Variants in ANO8 observed in about 807,000 individuals in gnomAD.
ANO8 encodes the protein anoctamin-8.
A neutral mutation model predicts 120.4 loss-of-function variants in ANO8; 67 were observed. That is an observed-to-expected ratio of 0.56 (90% CI 0.46 to 0.68). The LOEUF (loss-of-function observed/expected upper bound fraction) is 0.68. Among genes scored for constraint, ANO8 ranks in the 30% least tolerant of loss-of-function variants. The pLI, the probability that ANO8 is intolerant of heterozygous loss-of-function variation, is 0.00. For synonymous variants in ANO8, 727 were observed against 759.2 expected (o/e 0.96, Z 0.70); for missense variants, 1,526 against 1,737.6 (o/e 0.88, Z 2.16).
Position 17,331,121 on chromosome 19 carries a change from C to T in ANO8, c.798G>A (p.Gly266=), listed in dbSNP as rs1018613339. 6.2e-7 allele frequency: 1 copy of T among 1,614,094 alleles called. No individual in the cohort carries two copies. The highest frequency in any genetic ancestry group is 8.5e-7 in the Non-Finnish European group (1 of 1,180,046). ...CCTCTGTGAATGTGTACAGGACAGACCCGAAGACAGCTGGGTATACCATAG... is the reference window on the plus strand; with the variant it reads ...CCTCTGTGAATGTGTACAGGACAGATCCGAAGACAGCTGGGTATACCATAG... The part of the protein sequence containing the change: ...TSAMVYPAVF[G]SVLYTFTEAD... The change falls in exon 7 of 18, where the codon GGG becomes GGA. Residue 266 remains glycine (G), a synonymous_variant. Coordinates refer to ENST00000159087, the MANE Select transcript of ANO8 (RefSeq NM_020959.3).
intron 12 of ANO8, 31 bp from the exon 13 acceptor site, chr19:17,329,014 C>A (rs972377789): frequency 4.9e-6 from 7 of 1,417,318 alleles, no homozygotes; most frequent in Non-Finnish European, 6.5e-6. Context: ...GAGAGAGGCG[C>A]GTGGGGGGCA....
rs752353589 is a variant in ANO8, at chr19:17,325,364, T to A, written c.2684A>T (p.His895Leu). The A allele has an allele frequency of 6.3e-7, 1 of 1,593,574 alleles. No homozygotes were observed. Among genetic ancestry groups the A allele is most frequent in the Admixed American group, 1.7e-5 (1 of 59,390 alleles). The change falls in exon 17 of 18, where the codon CAT becomes CTT. Residue 895 changes from histidine (H) to leucine (L), a missense_variant. His to Leu is a moderately conservative substitution (Grantham distance 99). Around this residue, in one of 8 missense-constraint regions of ANO8, gnomAD observed 489 missense variants for 548.6 expected, o/e 0.89. Coordinates refer to ENST00000159087, the MANE Select transcript of ANO8 (RefSeq NM_020959.3). ...AFKRHERQAQHRYQQQQRRRR... is the reference protein window; with the variant it reads ...AFKRHERQAQLRYQQQQRRRR... ...CCTGCGCTGCTGCTGCTGGTAGCGA[T>A]GCTGGGCCTGGCGCTCGTGTCTCTG...
Position 17,327,713 on chromosome 19 carries a change from G to A in ANO8, c.2394C>T (p.Arg798=). The stretch of plus-strand genomic sequence containing the variant: ...CCTGCCACTGGCCGATGCTTTCCAC[G>A]CGCTGGCCGAAGGGCCGCTGCAGCC... ...CTGLQRPFGQ[R]VESIGQWQKV... Residue 798 remains arginine (R), a synonymous_variant, in exon 14 of 18, where the codon CGC becomes CGT. Coordinates refer to ENST00000159087, the MANE Select transcript of ANO8 (RefSeq NM_020959.3). 1 of 1,613,654 alleles carries A rather than the reference G, an allele frequency of 6.2e-7. No individual in the cohort carries two copies. Among genetic ancestry groups the A allele is most frequent in the South Asian group, 1.1e-5 (1 of 91,048 alleles).
Position 17,328,583 on chromosome 19 carries a change from C to CCCTCCTCCTCGT in ANO8, c.1793_1804dup (p.Asp598_Glu601dup), listed in dbSNP as rs758160988. 6.5e-6 allele frequency: 10 copies of CCCTCCTCCTCGT among 1,546,446 alleles called. No individual in the cohort carries two copies. The highest frequency in any genetic ancestry group is 2.2e-4 in the Middle Eastern group (1 of 4,620). ...GCAGTCCAGGAGGCCCCCTTCCTCG[C>CCCTCCTCCTCGT]CCTCCTCCTCGTCCTCCTCTTCCTC... On this transcript the variant is annotated inframe_insertion, in exon 13 of 18. Transcript: ENST00000159087.
chr19:17,326,299 G>T (rs902720285), intron 16 of ANO8, among the ~76,000 whole-genome samples: 24 of 152,084 alleles, frequency 1.6e-4, no homozygotes, highest in Non-Finnish European at 1.5e-5. Context: ...GTTAGGAGTT[G>T]GAGACCAGCC....
intron 10 of ANO8, 32 bp from the exon 11 acceptor site, chr19:17,330,046 C>A: frequency 6.2e-7 from 1 of 1,613,954 alleles, no homozygotes; most frequent in South Asian, 1.1e-5. Flanking sequence ...GAGGGGGCAG[C>A]CGCGGTCCCC....
chr19:17,327,573 C>T lies in ANO8; in HGVS notation c.2419-4G>A. 1 of 1,613,290 alleles carries T rather than the reference C, an allele frequency of 6.2e-7. No homozygotes were observed. ...CACCCATGGCCTCCATCACCTTCTGCAGGGCGGCAGGAGGGCTCAGGCGGG... is the reference window on the plus strand; with the variant it reads ...CACCCATGGCCTCCATCACCTTCTGTAGGGCGGCAGGAGGGCTCAGGCGGG... On this transcript the variant is annotated splice_polypyrimidine_tract_variant and splice_region_variant and intron_variant, in intron 14 of 17. Coordinates refer to ENST00000159087, the MANE Select transcript of ANO8 (RefSeq NM_020959.3).
Position 17,324,913 on chromosome 19 carries a change from C to G in ANO8, c.3135G>C (p.Pro1045=). 4 of 1,613,384 alleles carry G rather than the reference C, an allele frequency of 2.5e-6. No individual in the cohort carries two copies. Among genetic ancestry groups the G allele is most frequent in the African/African-American group, 2.7e-5 (2 of 75,064 alleles). Residue 1045 remains proline (P), a synonymous_variant, in exon 17 of 18, where the codon CCG becomes CCC. Coordinates refer to ENST00000159087, the MANE Select transcript of ANO8 (RefSeq NM_020959.3). The stretch of plus-strand genomic sequence containing the variant: ...GCTTGCCAGCATGGAAGGCTTTGGG[C>G]GGTGAGTGGCTGCGCTCAGAGTCCC... ...TRRDSERSHS[P]PKAFHAGKLF...
intron 17 of ANO8, 28 bp downstream of exon 17, chr19:17,324,689 T>TCCCC: frequency 6.6e-7 from 1 of 1,512,116 alleles, no homozygotes; most frequent in East Asian, 2.3e-5. Flanking sequence ...CGGCCCGGCG[T>TCCCC]CCCCACCCCC....
chr19:17,323,894 C>T lies in ANO8; in HGVS notation c.3332-10G>A. On this transcript the variant is annotated splice_polypyrimidine_tract_variant and intron_variant, in intron 17 of 17. Coordinates refer to ENST00000159087, the MANE Select transcript of ANO8 (RefSeq NM_020959.3). Reference sequence around the variant, plus strand: ...GGGGCCAGCGCTGTCCCTGCGGAGGCGAGAGGGGCCGTTCCGGGGGGATGC... The same window carrying T: ...GGGGCCAGCGCTGTCCCTGCGGAGGTGAGAGGGGCCGTTCCGGGGGGATGC... The T allele has an allele frequency of 2.7e-6, 3 of 1,116,422 alleles. No homozygotes were observed. The highest frequency in any genetic ancestry group is 3.3e-6 in the Non-Finnish European group (3 of 913,872). 69.2% of individuals were successfully genotyped at this position (1,116,422 alleles called of 1,614,324 possible).
intron 5 of ANO8, among the ~76,000 whole-genome samples, chr19:17,332,160 C>G (rs1169964880): frequency 6.6e-6 from 1 of 151,146 alleles, no homozygotes; most frequent in Non-Finnish European, 1.5e-5. Context: ...TGGTCTCGAT[C>G]TCCTGACCTC....
In ANO8 at chr19:17,334,440, A is replaced by C. The variant is rs1241399483; in HGVS notation, c.106+125T>G. The C allele has an allele frequency of 2.6e-5, 23 of 870,148 alleles. No homozygotes were observed. The South Asian group carries it at 3.6e-4, about 14-fold the overall frequency. The allele number at this position is 870,148 out of a possible 1,614,324, so 53.9% of individuals were successfully genotyped here. A position where few individuals can be genotyped will look rare whatever the true frequency, so the allele number is the denominator to read the frequency against. ...GCCGGGCCGCAGCCGCAGTGCCGGG[A>C]GGAGCCGGCCCCTCGTCCAGACACC... is the stretch of plus-strand genomic sequence containing the variant. On this transcript the variant is annotated intron_variant, in intron 1 of 17. Coordinates refer to ENST00000159087, the MANE Select transcript of ANO8 (RefSeq NM_020959.3).
chr19:17,330,657 A>C (rs1255031907), intron 8 of ANO8, among the ~76,000 whole-genome samples, 153 bp from the exon 9 acceptor site: 1 of 151,960 alleles, frequency 6.6e-6, no homozygotes, highest in African/African-American at 2.4e-5. Flanking sequence ...CAGTCCCTCA[A>C]ATCCAACTTC....
chr19:17,323,953 T>C, intron 17 of ANO8, 69 bp from the exon 18 acceptor site: 1 of 1,072,308 alleles, frequency 9.3e-7, no homozygotes, highest in Non-Finnish European at 1.1e-6. Context: ...CTGGCAACCC[T>C]GCCCGCGCTC....
intron 13 of ANO8, 111 bp from the exon 14 acceptor site, chr19:17,327,991 C>A: frequency 6.9e-7 from 1 of 1,448,012 alleles, no homozygotes; most frequent in South Asian, 1.3e-5. Context: ...CTGTCCCCAT[C>A]CTCAGCCAGC....
Position 17,328,980 on chromosome 19 carries a change from G to T in ANO8, c.1408C>A (p.Leu470Met). Reference protein sequence around the residue: ...LKDMERLKEMLATLLITRQFL... With the variant: ...LKDMERLKEMMATLLITRQFL... ...TGGCGGGTGATCAGCAGCGTGGCCAGCATCTGGGGGCAGGAAGGGGAAGGA... is the reference window on the plus strand; with the variant it reads ...TGGCGGGTGATCAGCAGCGTGGCCATCATCTGGGGGCAGGAAGGGGAAGGA... Residue 470 changes from leucine to methionine, a missense_variant, in exon 13 of 18, where the codon CTG (leucine) becomes ATG (methionine). Coordinates refer to ENST00000159087, the MANE Select transcript of ANO8 (RefSeq NM_020959.3). 1 of 1,491,364 alleles carries T rather than the reference G, an allele frequency of 6.7e-7. No individual in the cohort carries two copies. The allele number at this position is 1,491,364 out of a possible 1,614,324, so 92.4% of individuals were successfully genotyped here.
At chr19:17,325,807 A>G (rs1224173652) in intron 16 of ANO8, among the ~76,000 whole-genome samples, 2 of 152,250 alleles carry the variant, frequency 1.3e-5, no homozygotes, top group Non-Finnish European at 1.5e-5. Flanking sequence ...ACACGCCTGT[A>G]ATTCCAGCTA....
chr19:17,328,063 CTG>C (rs1398292115), intron 13 of ANO8, 97 bp downstream of exon 13: 1 of 1,372,468 alleles, frequency 7.3e-7, no homozygotes, highest in African/African-American at 1.5e-5. Flanking sequence ...ATCAATGGCC[CTG>C]TTATCACCAC....
At position 17,330,934 on chromosome 19, in the gene ANO8, G is replaced by A. The variant is rs773101839; in HGVS notation, c.887C>T (p.Thr296Met). 3 of 1,614,124 alleles carry A rather than the reference G, an allele frequency of 1.9e-6. No individual in the cohort carries two copies. The highest frequency in any genetic ancestry group is 2.2e-5 in the East Asian group (1 of 44,858). ...CCGCTTCCATTCCTCTAGGAACAGC[G>A]TCGACCAGATCACGTTGAAGAGGGC... ...VFALFNVIWSTLFLEEWKRRG... is the reference protein window; with the variant it reads ...VFALFNVIWSMLFLEEWKRRG... Residue 296 changes from threonine to methionine, a missense_variant, in exon 8 of 18, where the codon ACG becomes ATG. Transcript: ENST00000159087.
Sources: gnomAD v4.1 joint callset for allele counts (sites outside exome capture counted in the v4.1 genomes callset) on GRCh38, gnomAD v4.1.1 for gene constraint, gnomAD v4.1.1 regional missense constraint, MANE v1.5 for transcripts, NCBI Gene and HGNC (gene_info 2026-07-23, HGNC 2026-07-21) for gene names.